FBXO9: variants seen among roughly 807,000 people sequenced by gnomAD.
The protein encoded by FBXO9 is F-box protein 9, also known as F-box only protein 9.
A neutral mutation model predicts 63.7 loss-of-function variants in FBXO9; 43 were observed. The ratio of observed to expected loss-of-function variants is 0.67; its 90% CI spans 0.53 to 0.87. The LOEUF (loss-of-function observed/expected upper bound fraction) is 0.87. Among genes scored for constraint, FBXO9 ranks in the 40% least tolerant of loss-of-function variants. The pLI, the probability that FBXO9 is intolerant of heterozygous loss-of-function variation, is 0.00. For missense variants in FBXO9, 442 were observed against 533.2 expected (o/e 0.83, Z 1.68); for synonymous variants, 156 against 171.7 (o/e 0.91, Z 0.72).
chr6:53,081,172 A>G lies in FBXO9; in HGVS notation c.538+74A>G. The G allele has an allele frequency of 2.1e-6, 3 of 1,460,074 alleles. No homozygotes were observed. In the South Asian group the frequency reaches 3.8e-5, roughly 18 times the overall value. 90.4% of individuals were successfully genotyped at this position (1,460,074 alleles called of 1,614,324 possible). On this transcript the variant is annotated intron_variant, in intron 6 of 12. Coordinates refer to ENST00000323557, the MANE Select transcript of FBXO9 (RefSeq NM_033480.3). ...AAGATTTCCAAATTTATAAGGTCAG[A>G]TAATTTGCCAGATAACTGCTGCTTT...
At chr6:53,077,070 T>C (rs540519282) in intron 4 of FBXO9, among the ~76,000 whole-genome samples, 1 of 152,338 alleles carries the variant, frequency 6.6e-6, no homozygotes, top group African/African-American at 2.4e-5. Context: ...TTTTAAAATA[T>C]GCTCTTTTTA....
intron 5 of FBXO9, among the ~76,000 whole-genome samples, chr6:53,080,301 T>G (rs534491613): frequency 2.6e-5 from 4 of 152,152 alleles, no homozygotes; most frequent in African/African-American, 7.2e-5. Flanking sequence ...TTCCTGGTTT[T>G]TTTTTTTGTT....
chr6:53,087,782 A>G (rs968473558), intron 7 of FBXO9, among the ~76,000 whole-genome samples: 8 of 152,342 alleles, frequency 5.3e-5, no homozygotes, highest in African/African-American at 1.9e-4. Flanking sequence ...TACTAAGAGC[A>G]AATTAATACT....
intron 7 of FBXO9, among the ~76,000 whole-genome samples, chr6:53,087,036 AAACAAC>A (rs200987070): frequency 3.9e-5 from 6 of 151,948 alleles, no homozygotes; most frequent in African/African-American, 7.3e-5. Context: ...CCTGTCTCAA[AAACAAC>A]AACAACAACA....
chr6:53,093,881 T>A lies in FBXO9; in HGVS notation c.960-4T>A. The A allele has an allele frequency of 2.0e-6, 3 of 1,526,950 alleles. No individual in the cohort carries two copies. Among genetic ancestry groups the A allele is most frequent in the Admixed American group, 2.2e-5 (1 of 46,290 alleles). The allele number at this position is 1,526,950 out of a possible 1,614,324, so 94.6% of individuals were successfully genotyped here. A position where few individuals can be genotyped will look rare whatever the true frequency, so the allele number is the denominator to read the frequency against. On this transcript the variant is annotated splice_polypyrimidine_tract_variant and splice_region_variant and intron_variant, in intron 10 of 12. Transcript: ENST00000323557. ...TTAGATTCAATTTGTTTTTTTTTTT[T>A]AAGGACTGATGCAATTCTACTGGGT...
chr6:53,078,968 T>A (rs1438558131), intron 5 of FBXO9, 70 bp downstream of exon 5: 1 of 1,102,278 alleles, frequency 9.1e-7, no homozygotes, highest in Non-Finnish European at 1.4e-6. Flanking sequence ...CCCTGTTGAC[T>A]CTTAAGATGG....
Position 53,076,539 on chromosome 6 carries a change from T to C in FBXO9, c.303T>C (p.Tyr101=). The C allele has an allele frequency of 6.5e-7, 1 of 1,539,222 alleles. No homozygotes were observed. The highest frequency in any genetic ancestry group is 2.4e-5 in the Admixed American group (1 of 42,006). The change falls in exon 4 of 13, where the codon TAT becomes TAC. Residue 101 remains tyrosine, a synonymous_variant. Transcript: ENST00000323557. ...AVEEEQNGAL[Y]EAIKFYRRAM... ...AAGAAGAACAAAATGGAGCTCTCTA[T>C]GAAGGTAAAAATTCAGAGCCCAGGT...
At chr6:53,073,293 G>C (rs1307306799) in intron 2 of FBXO9, among the ~76,000 whole-genome samples, 188 bp from the exon 3 acceptor site, 1 of 152,132 alleles carries the variant, frequency 6.6e-6, no homozygotes, top group Non-Finnish European at 1.5e-5. Flanking sequence ...GATTCTTTAA[G>C]TTTTGAGCAG....
At chr6:53,092,288 T>A in intron 7 of FBXO9, 141 bp from the exon 8 acceptor site, 1 of 625,166 alleles carries the variant, frequency 1.6e-6, no homozygotes, top group East Asian at 2.8e-5. Flanking sequence ...GGCCTTTGCC[T>A]TGTCCATTAG....
intron 7 of FBXO9, among the ~76,000 whole-genome samples, chr6:53,085,575 G>T (rs957949891): frequency 6.6e-6 from 1 of 151,594 alleles, no homozygotes; most frequent in African/African-American, 2.4e-5. Flanking sequence ...ATTTCATCTA[G>T]TCTTTAGAAT....
In FBXO9 at chr6:53,073,482, C is replaced by T; in HGVS notation, c.92C>T (p.Ala31Val). Residue 31 changes from alanine to valine, a missense_variant and splice_region_variant, in exon 3 of 13, where the codon GCA (alanine) becomes GTA (valine). Transcript: ENST00000323557. ...NESPAETDLQ[A>V]QLQMFRAQWM... is the part of the protein sequence containing the mutation. ...CCTAAAATGCTGTTCTCCCCATAGGCACAACTCCAGATGTTCCGAGCTCAG... is the reference window on the plus strand; with the variant it reads ...CCTAAAATGCTGTTCTCCCCATAGGTACAACTCCAGATGTTCCGAGCTCAG... The T allele has an allele frequency of 6.2e-7, 1 of 1,613,194 alleles. No individual in the cohort carries two copies. The highest frequency in any genetic ancestry group is 8.5e-7 in the Non-Finnish European group (1 of 1,179,494).
At chr6:53,076,588 A>G in intron 4 of FBXO9, 45 bp downstream of exon 4, 1 of 1,349,494 alleles carries the variant, frequency 7.4e-7, no homozygotes, top group African/African-American at 1.5e-5. Context: ...TTTCTGAATA[A>G]TGACTCTGTT....
At chr6:53,085,923 G>A (rs993856522) in intron 7 of FBXO9, among the ~76,000 whole-genome samples, 1 of 152,168 alleles carries the variant, frequency 6.6e-6, no homozygotes, top group Non-Finnish European at 1.5e-5. Context: ...GATGAGGCGG[G>A]TGGATTACCT....
upstream of FBXO9, chr6:53,065,294 C>T (rs1464665997): frequency 6.5e-6 from 1 of 154,324 alleles, no homozygotes; most frequent in Non-Finnish European, 1.4e-5. Context: ...CAGCCTCACC[C>T]CCCGCGTCAG....
chr6:53,093,163 G>C (rs754403532), intron 9 of FBXO9: 16 of 389,836 alleles, frequency 4.1e-5, no homozygotes, highest in Non-Finnish European at 9.1e-6. Flanking sequence ...CTCTCACTTT[G>C]TTTGAAATTG....
Position 53,071,089 on chromosome 6 carries a change from T to C in FBXO9, c.36T>C (p.Thr12=). 6.3e-7 allele frequency: 1 copy of C among 1,575,538 alleles called. No individual in the cohort carries two copies. The highest frequency in any genetic ancestry group is 8.6e-7 in the Non-Finnish European group (1 of 1,158,564). ...AEAEEDCHSD[T]VRADDDEENE... is the part of the protein sequence containing the mutation. ...CTGAGGAAGATTGTCATTCTGATAC[T>C]GTCAGAGCAGATGATGATGAAGAAA... Residue 12 remains threonine (T), a synonymous_variant, in exon 2 of 13, where the codon ACT becomes ACC. Coordinates refer to ENST00000323557, the MANE Select transcript of FBXO9 (RefSeq NM_033480.3).
In FBXO9 at chr6:53,100,776, G is replaced by A. The variant is rs532656071; in HGVS notation, c.*2946G>A. ...AAGCATTTTGTTAAATATTTTTAAT[G>A]ACTTTAGAGTCCAACTTTATACTCC... is the stretch of plus-strand genomic sequence containing the variant. On this transcript the variant is annotated 3_prime_UTR_variant, in exon 13 of 13. Transcript: ENST00000323557. The A allele has an allele frequency of 2.0e-5, 3 of 152,228 alleles. No homozygotes were observed. Among genetic ancestry groups the A allele is most frequent in the African/African-American group, 7.2e-5 (3 of 41,532 alleles). The allele number at this position is 152,228 out of a possible 1,614,324, so 9.4% of individuals were successfully genotyped here.
In FBXO9 at chr6:53,065,695, G is replaced by A; in HGVS notation, c.-95G>A. 2 of 1,377,738 alleles carry A rather than the reference G, an allele frequency of 1.5e-6. No individual in the cohort carries two copies. The highest frequency in any genetic ancestry group is 1.5e-5 in the South Asian group (1 of 68,184). 85.3% of individuals were successfully genotyped at this position (1,377,738 alleles called of 1,614,324 possible). A position where few individuals can be genotyped will look rare whatever the true frequency, so the allele number is the denominator to read the frequency against. On this transcript the variant is annotated 5_prime_UTR_variant, in exon 1 of 13. Transcript: ENST00000323557. ...CTAAGCTCCGCTGCAGAGACAGGCA[G>A]GAGTAGACACCCGGACACCCAGCAC...
intron 12 of FBXO9, among the ~76,000 whole-genome samples, chr6:53,096,820 C>T (rs1562076630): frequency 1.3e-5 from 2 of 152,082 alleles, no homozygotes. Context: ...GTGGGAATAT[C>T]ATTTGAGCCC....
Sources: gnomAD v4.1 joint callset for allele counts (sites outside exome capture counted in the v4.1 genomes callset) on GRCh38, gnomAD v4.1.1 for gene constraint, MANE v1.5 for transcripts, NCBI Gene and HGNC (gene_info 2026-07-23, HGNC 2026-07-21) for gene names.